The following STK39 variants were observed in gnomAD, a reference collection of about 807,000 sequenced individuals.
STK39 encodes STE20/SPS1-related proline-alanine-rich protein kinase.
Under a neutral mutation model 77.8 loss-of-function variants are expected in STK39, and 20 were observed. The observed-to-expected ratio is 0.26, with a 90% CI of 0.18 to 0.37. The LOEUF (loss-of-function observed/expected upper bound fraction) is 0.37. Ranked by LOEUF, STK39 falls within the 10% of genes least tolerant of loss-of-function variation. STK39 has a pLI of 1.00. For missense variants in STK39, 479 were observed against 656.5 expected (o/e 0.73, Z 2.95); for synonymous variants, 246 against 234.1 (o/e 1.05, Z -0.47).
chr2:168,231,315 T>G (rs886312599), intron 1 of STK39, among the ~76,000 whole-genome samples: 1 of 152,118 alleles, frequency 6.6e-6, no homozygotes, highest in African/African-American at 2.4e-5. Flanking sequence ...ATGGCTAAGT[T>G]TTTTGCTGCT....
intron 13 of STK39, 25 bp downstream of exon 13, chr2:168,065,294 C>T (rs199849960): frequency 1.4e-5 from 22 of 1,613,164 alleles, no homozygotes; most frequent in African/African-American, 2.7e-5. Context: ...GCACCTCAAA[C>T]GGAATGACTG....
At chr2:167,980,203 AAAAC>A (rs1421893043) in intron 16 of STK39, among the ~76,000 whole-genome samples, 1 of 152,226 alleles carries the variant, frequency 6.6e-6, no homozygotes, top group Non-Finnish European at 1.5e-5. Context: ...ACTTGATTAA[AAAAC>A]AAACACTTAT....
At chr2:168,245,985 A>C (rs1690888914) in intron 1 of STK39, among the ~76,000 whole-genome samples, 1 of 152,168 alleles carries the variant, frequency 6.6e-6, no homozygotes, top group African/African-American at 2.4e-5. Flanking sequence ...ATTTCCGTCT[A>C]TGCTGTTTTA....
intron 5 of STK39, among the ~76,000 whole-genome samples, chr2:168,156,677 C>A (rs770344118): frequency 2.6e-5 from 4 of 152,218 alleles, no homozygotes; most frequent in African/African-American, 7.2e-5. Flanking sequence ...ATTACACAAA[C>A]GTGCAAAATG....
chr2:167,967,405 G>A (rs899119111), intron 16 of STK39, among the ~76,000 whole-genome samples: 8 of 152,012 alleles, frequency 5.3e-5, no homozygotes, highest in East Asian at 3.9e-4. Context: ...CCTCCCACCC[G>A]CCTGTCCCTA....
chr2:168,006,916 A>T (rs141916375), intron 16 of STK39, among the ~76,000 whole-genome samples: 175 of 152,310 alleles, frequency 1.1e-3, no homozygotes, highest in Middle Eastern at 3.4e-3. Context: ...CTGATTCGCG[A>T]AGGTCGGCAC....
chr2:168,214,951 T>C (rs1228887622), intron 1 of STK39, among the ~76,000 whole-genome samples: 1 of 152,228 alleles, frequency 6.6e-6, no homozygotes, highest in East Asian at 1.9e-4. Flanking sequence ...TACCCAGTAG[T>C]ATATCTCTTG....
Position 168,182,098 on chromosome 2 carries a change from G to T in STK39, c.209-8C>A, listed in dbSNP as rs1344555674. The T allele has an allele frequency of 6.2e-7, 1 of 1,611,532 alleles. No individual in the cohort carries two copies. Among genetic ancestry groups the T allele is most frequent in the Non-Finnish European group, 8.5e-7 (1 of 1,177,806 alleles). On this transcript the variant is annotated splice_polypyrimidine_tract_variant and splice_region_variant and intron_variant, in intron 1 of 17. Transcript: ENST00000355999. ...CAGCAGTAGCTCCACTGCCTGCAAT[G>T]AAATAAAAACAACATCAGCGATCAA... is the stretch of plus-strand genomic sequence containing the variant.
chr2:168,083,675 A>G (rs56895203), intron 10 of STK39, among the ~76,000 whole-genome samples: 3,470 of 152,198 alleles, frequency 0.023, 127 homozygotes, highest in African/African-American at 0.079. Context: ...AACTTAGCAC[A>G]TTCTACTGAC....
intron 16 of STK39, among the ~76,000 whole-genome samples, chr2:167,969,364 C>T (rs985330936): frequency 6.6e-6 from 1 of 152,140 alleles, no homozygotes; most frequent in Admixed American, 6.5e-5. Flanking sequence ...TTAACTGTTC[C>T]CATCAACTTC....
At position 167,964,741 on chromosome 2, in the gene STK39, CG is replaced by C; in HGVS notation, c.1499-16del. On this transcript the variant is annotated splice_polypyrimidine_tract_variant and intron_variant, in intron 16 of 17. Coordinates refer to ENST00000355999, the MANE Select transcript of STK39 (RefSeq NM_013233.3). ...ATTAGCAGCCACTGTAAAATATAAA[CG>C]TAGAGAGAAAGTTTCCAGATTATTT... 1 of 1,599,356 alleles carries C rather than the reference CG, an allele frequency of 6.3e-7. No individual in the cohort carries two copies. The highest frequency in any genetic ancestry group is 8.5e-7 in the Non-Finnish European group (1 of 1,172,226).
chr2:168,145,233 G>C (rs960283562), intron 5 of STK39, among the ~76,000 whole-genome samples: 1 of 152,164 alleles, frequency 6.6e-6, no homozygotes, highest in South Asian at 2.1e-4. Context: ...ACTGACAGCT[G>C]CAAGGGTCAA....
chr2:168,145,042 A>G (rs1040711041), intron 5 of STK39, among the ~76,000 whole-genome samples: 9 of 152,112 alleles, frequency 5.9e-5, no homozygotes, highest in Non-Finnish European at 1.2e-4. Context: ...CAAATACTAT[A>G]TTGTCTGTGT....
chr2:168,219,120 C>T (rs1047662951), intron 1 of STK39, among the ~76,000 whole-genome samples: 1 of 151,934 alleles, frequency 6.6e-6, no homozygotes, highest in Non-Finnish European at 1.5e-5. Context: ...GATGATAGCA[C>T]TCTAAAAAGT....
chr2:168,208,312 T>G (rs2105690260), intron 1 of STK39, among the ~76,000 whole-genome samples: 1 of 152,268 alleles, frequency 6.6e-6, no homozygotes, highest in South Asian at 2.1e-4. Context: ...AACCCTAAAA[T>G]GATCAAGTGA....
chr2:168,027,868 C>T (rs183631804), intron 14 of STK39, among the ~76,000 whole-genome samples: 3 of 152,294 alleles, frequency 2.0e-5, no homozygotes, highest in Non-Finnish European at 2.9e-5. Flanking sequence ...GACACCGACA[C>T]TAGCAGTGCA....
intron 17 of STK39, among the ~76,000 whole-genome samples, chr2:167,960,324 T>G (rs567139419): frequency 7.2e-6 from 1 of 138,746 alleles, no homozygotes; most frequent in South Asian, 2.6e-4. Context: ...CTTTCATCAT[T>G]TATTGCTTCA....
At chr2:168,133,387 T>C (rs543308482) in intron 8 of STK39, among the ~76,000 whole-genome samples, 1 of 152,350 alleles carries the variant, frequency 6.6e-6, no homozygotes, top group South Asian at 2.1e-4. Flanking sequence ...CGCCTTCTTT[T>C]TTTATTGGCT....
Position 168,109,083 on chromosome 2 carries a change from G to T in STK39, c.1089+20458C>A, listed in dbSNP as rs376165952. ...TCTACTGAACAGAGTGTCATGACTG[G>T]AACCTTGGAAGTCTGACTCTTCATG... On this transcript the variant is annotated intron_variant, in intron 10 of 17. Transcript: ENST00000355999. 9.9e-5 allele frequency among the ~76,000 whole-genome samples: 15 copies of T among 152,230 alleles called. No individual in the cohort carries two copies. The South Asian group carries it at 3.1e-3, about 32-fold the overall frequency.
Sources: gnomAD v4.1 joint callset for allele counts (sites outside exome capture counted in the v4.1 genomes callset) on GRCh38, gnomAD v4.1.1 for gene constraint, MANE v1.5 for transcripts, NCBI Gene and HGNC (gene_info 2026-07-23, HGNC 2026-07-21) for gene names.